Variants in ZSCAN1 observed in about 807,000 individuals in gnomAD.
ZSCAN1 encodes zinc finger and SCAN domain containing 1.
A neutral mutation model predicts 23.8 loss-of-function variants in ZSCAN1; 23 were observed. That is an observed-to-expected ratio of 0.97 (90% CI 0.70 to 1.37). The LOEUF (loss-of-function observed/expected upper bound fraction) is 1.37, where lower values mean the gene tolerates loss of function less well. Ranked by LOEUF, ZSCAN1 falls within the 40% of genes most tolerant of loss-of-function variation. The pLI, the probability that ZSCAN1 is intolerant of heterozygous loss-of-function variation, is 0.00. For missense variants in ZSCAN1, 575 were observed against 554.0 expected (o/e 1.04, Z -0.38); for synonymous variants, 236 against 232.3 (o/e 1.02, Z -0.15).
In ZSCAN1 at chr19:58,037,798, T is replaced by C; in HGVS notation, c.-39T>C. The C allele has an allele frequency of 6.9e-7, 1 of 1,438,878 alleles. No homozygotes were observed. Among genetic ancestry groups the C allele is most frequent in the Non-Finnish European group, 9.1e-7 (1 of 1,099,804 alleles). The allele number at this position is 1,438,878 out of a possible 1,614,324, so 89.1% of individuals were successfully genotyped here. ...GGAGCCACTGGGACTCGGGATCCAG[T>C]CCACACACACCCCTCAGAGGGGCAC... On this transcript the variant is annotated 5_prime_UTR_variant, in exon 3 of 6. Transcript: ENST00000282326.
At position 58,045,040 on chromosome 19, in the gene ZSCAN1, CG is replaced by C; in HGVS notation, c.465+4501del. 9.0e-7 allele frequency: 1 copy of C among 1,114,564 alleles called. No homozygotes were observed. The highest frequency in any genetic ancestry group is 1.4e-6 in the Non-Finnish European group (1 of 730,196). The allele number at this position is 1,114,564 out of a possible 1,614,324, so 69.0% of individuals were successfully genotyped here. On this transcript the variant is annotated intron_variant, in intron 4 of 5. Coordinates refer to ENST00000282326, the MANE Select transcript of ZSCAN1 (RefSeq NM_182572.4). This position sits in a 1 kb window ranked among gnomAD's most constrained non-coding sequence, Gnocchi z 4.3. ...CCCCGCAGAGATGGTGGTGAAGTCC[CG>C]GGGGCAGAGAGGGTGCTGGGCGAGC...
chr19:58,049,704 C>T lies in ZSCAN1; in HGVS notation c.466-2786C>T, dbSNP rs931585825. ...CCCTGAGATCCCATGGGCGTATCTC[C>T]CTGAGGCCCTGGCGGGAATGACTGT... On this transcript the variant is annotated intron_variant, in intron 4 of 5. Coordinates refer to ENST00000282326, the MANE Select transcript of ZSCAN1 (RefSeq NM_182572.4). This position sits in a 1 kb window ranked among gnomAD's most constrained non-coding sequence, Gnocchi z 4.5. 6.6e-6 allele frequency among the ~76,000 whole-genome samples: 1 copy of T among 152,196 alleles called. No individual in the cohort carries two copies. The highest frequency in any genetic ancestry group is 1.5e-5 in the Non-Finnish European group (1 of 68,040).
At chr19:58,051,462 GCTCC>G (rs959579444) in intron 4 of ZSCAN1, among the ~76,000 whole-genome samples, 30 of 151,546 alleles carry the variant, frequency 2.0e-4, no homozygotes, top group Admixed American at 2.6e-4. Context: ...CCTGCCATCA[GCTCC>G]CTCCCTCCCT....
chr19:58,041,551 T>A (rs753086031), intron 4 of ZSCAN1, among the ~76,000 whole-genome samples: 39 of 152,238 alleles, frequency 2.6e-4, no homozygotes, highest in Non-Finnish European at 5.3e-4. Context: ...TGTCTCCCAC[T>A]GGCTTAGTCC....
intron 3 of ZSCAN1, 122 bp downstream of exon 3, chr19:58,038,328 A>G (rs1404657960): frequency 7.9e-7 from 1 of 1,270,812 alleles, no homozygotes; most frequent in East Asian, 2.5e-5. Flanking sequence ...CGACCAGCAA[A>G]CCTCTCCTGC....
rs1332254107 is a variant in ZSCAN1, at chr19:58,045,987, C to T, written c.465+5443C>T. On this transcript the variant is annotated intron_variant, in intron 4 of 5. Coordinates refer to ENST00000282326, the MANE Select transcript of ZSCAN1 (RefSeq NM_182572.4). The surrounding 1 kb of genome is among the most constrained non-coding windows in gnomAD (Gnocchi z 4.3). ...AGGCCACACTGCAGGAGAAGGCGAC[C>T]ATGCAGTAGGAGCACCGCGAGAAGG... is the stretch of plus-strand genomic sequence containing the variant. 14 of 724,804 alleles carry T rather than the reference C, an allele frequency of 1.9e-5. No homozygotes were observed. Among genetic ancestry groups the T allele is most frequent in the Non-Finnish European group, 3.5e-5 (14 of 401,696 alleles). 44.9% of individuals were successfully genotyped at this position (724,804 alleles called of 1,614,324 possible). A position where few individuals can be genotyped will look rare whatever the true frequency, so the allele number is the denominator to read the frequency against.
At chr19:58,037,659 C>G in intron 2 of ZSCAN1, 69 bp from the exon 3 acceptor site, 1 of 755,996 alleles carries the variant, frequency 1.3e-6, no homozygotes, top group South Asian at 2.5e-5. Flanking sequence ...AAGTAAGGAG[C>G]CGAGGGGCAT....
In ZSCAN1 at chr19:58,040,009, C is replaced by T. The variant is rs907581293; in HGVS notation, c.371-441C>T. ...TCAGCCTCCCAAAGTGCTGGGATTA[C>T]TGGTGTGAGCCACCACGCCTGGCCT... is the stretch of plus-strand genomic sequence containing the variant. On this transcript the variant is annotated intron_variant, in intron 3 of 5. Coordinates refer to ENST00000282326, the MANE Select transcript of ZSCAN1 (RefSeq NM_182572.4). The surrounding 1 kb of genome is among the most constrained non-coding windows in gnomAD (Gnocchi z 5.8). Among the ~76,000 whole-genome samples the T allele has an allele frequency of 6.6e-6, 1 of 152,164 alleles. No individual in the cohort carries two copies. The highest frequency in any genetic ancestry group is 2.4e-5 in the African/African-American group (1 of 41,442).
At chr19:58,055,537 GCTT>G (rs937484252), downstream of ZSCAN1, among the ~76,000 whole-genome samples, 4 of 152,198 alleles carry the variant, frequency 2.6e-5, no homozygotes, top group Admixed American at 1.3e-4. Flanking sequence ...CAAAGGAGGA[GCTT>G]CTTCTACAGA....
chr19:58,055,680 G>A (rs901219205), downstream of ZSCAN1, among the ~76,000 whole-genome samples: 2 of 152,172 alleles, frequency 1.3e-5, no homozygotes, highest in Non-Finnish European at 2.9e-5. Context: ...TCTCCCGAGT[G>A]CCCCCACTTG....
At position 58,047,055 on chromosome 19, in the gene ZSCAN1, T is replaced by C. The variant is rs2073830995; in HGVS notation, c.466-5435T>C. On this transcript the variant is annotated intron_variant, in intron 4 of 5. Transcript: ENST00000282326. This position sits in a 1 kb window ranked among gnomAD's most constrained non-coding sequence, Gnocchi z 4.9. ...GCCAAGGCAGGAAGGTGCCCCCCTG[T>C]GTGTGGCCTCACGTCTCAGTGTCTG... Among the ~76,000 whole-genome samples the C allele has an allele frequency of 6.6e-6, 1 of 152,210 alleles. No individual in the cohort carries two copies. The highest frequency in any genetic ancestry group is 1.5e-5 in the Non-Finnish European group (1 of 68,024).
At chr19:58,046,630 A>C in intron 4 of ZSCAN1, 1 of 852,098 alleles carries the variant, frequency 1.2e-6, no homozygotes, top group South Asian at 1.3e-5. Context: ...CCACCTCATC[A>C]AGGTGATTGA....
rs770732034 is a variant in ZSCAN1, at chr19:58,053,508, G to A, written c.684G>A (p.Leu228=). The change falls in exon 6 of 6, where the codon CTG becomes CTA. Residue 228 remains leucine (L), a synonymous_variant. Transcript: ENST00000282326. This position sits in a 1 kb window ranked among gnomAD's most constrained non-coding sequence, Gnocchi z 5.8. ...EDLLAGPSSD[L]RAEGTVISSP... The stretch of plus-strand genomic sequence containing the variant: ...TTCTCGCAGGGCCCTCCTCAGACCT[G>A]CGGGCAGAAGGGACTGTGATCTCGA... 3.1e-6 allele frequency: 5 copies of A among 1,614,140 alleles called. No homozygotes were observed. The South Asian group carries it at 4.4e-5, about 14-fold the overall frequency.
rs1421287140 is a variant in ZSCAN1, at chr19:58,047,998, G to A, written c.466-4492G>A. Among the ~76,000 whole-genome samples the A allele has an allele frequency of 6.6e-6, 1 of 152,198 alleles. No homozygotes were observed. The highest frequency in any genetic ancestry group is 1.5e-5 in the Non-Finnish European group (1 of 68,034). On this transcript the variant is annotated intron_variant, in intron 4 of 5. Coordinates refer to ENST00000282326, the MANE Select transcript of ZSCAN1 (RefSeq NM_182572.4). This position sits in a 1 kb window ranked among gnomAD's most constrained non-coding sequence, Gnocchi z 4.9. ...TTCCTGGTAAAAATGTCCCTCCGGGGGCCTCCAAGCATAGGATTTGGAAGA... is the reference window on the plus strand; with the variant it reads ...TTCCTGGTAAAAATGTCCCTCCGGGAGCCTCCAAGCATAGGATTTGGAAGA...
In ZSCAN1 at chr19:58,054,108, G is replaced by A; in HGVS notation, c.*57G>A. 6 of 1,435,618 alleles carry A rather than the reference G, an allele frequency of 4.2e-6. No homozygotes were observed. Among genetic ancestry groups the A allele is most frequent in the Non-Finnish European group, 5.5e-6 (6 of 1,096,792 alleles). The allele number at this position is 1,435,618 out of a possible 1,614,324, so 88.9% of individuals were successfully genotyped here. A position where few individuals can be genotyped will look rare whatever the true frequency, so the allele number is the denominator to read the frequency against. ...CTGAGTCCCTGGGGGGAGCTGATGG[G>A]CCCCAGAAGATGGGGGACATCCCCC... On this transcript the variant is annotated 3_prime_UTR_variant, in exon 6 of 6. Coordinates refer to ENST00000282326, the MANE Select transcript of ZSCAN1 (RefSeq NM_182572.4). The surrounding 1 kb of genome is among the most constrained non-coding windows in gnomAD (Gnocchi z 4.2).
chr19:58,055,449 G>A (rs2123449733), downstream of ZSCAN1, among the ~76,000 whole-genome samples: 1 of 152,328 alleles, frequency 6.6e-6, no homozygotes. Flanking sequence ...AGTCCCCACT[G>A]GGGGCTCCTG....
In ZSCAN1 at chr19:58,045,683, A is replaced by G; in HGVS notation, c.465+5139A>G. ...GAAGGGGTGGACAGCCTGAACGTCAAGGAGCTGCAGGCGGCATGTCGGGCA... is the reference window on the plus strand; with the variant it reads ...GAAGGGGTGGACAGCCTGAACGTCAGGGAGCTGCAGGCGGCATGTCGGGCA... On this transcript the variant is annotated intron_variant, in intron 4 of 5. Transcript: ENST00000282326. The surrounding 1 kb of genome is among the most constrained non-coding windows in gnomAD (Gnocchi z 4.3). 4 of 925,086 alleles carry G rather than the reference A, an allele frequency of 4.3e-6. No homozygotes were observed. Among genetic ancestry groups the G allele is most frequent in the South Asian group, 3.9e-5 (3 of 76,350 alleles). 57.3% of individuals were successfully genotyped at this position (925,086 alleles called of 1,614,324 possible). A position where few individuals can be genotyped will look rare whatever the true frequency, so the allele number is the denominator to read the frequency against.
In ZSCAN1 at chr19:58,047,811, G is replaced by T. The variant is rs1176278306; in HGVS notation, c.466-4679G>T. Among the ~76,000 whole-genome samples the T allele has an allele frequency of 6.6e-6, 1 of 152,300 alleles. No homozygotes were observed. The highest frequency in any genetic ancestry group is 6.5e-5 in the Admixed American group (1 of 15,306). On this transcript the variant is annotated intron_variant, in intron 4 of 5. Coordinates refer to ENST00000282326, the MANE Select transcript of ZSCAN1 (RefSeq NM_182572.4). This position sits in a 1 kb window ranked among gnomAD's most constrained non-coding sequence, Gnocchi z 4.9. ...CCCTGGGGCTTCAAGGGCAACACCC[G>T]CAGTGCTTAGGGTTTACCCTGTGCC... is the stretch of plus-strand genomic sequence containing the variant.
chr19:58,054,101 C>T lies in ZSCAN1; in HGVS notation c.*50C>T, dbSNP rs373494184. On this transcript the variant is annotated 3_prime_UTR_variant, in exon 6 of 6. Coordinates refer to ENST00000282326, the MANE Select transcript of ZSCAN1 (RefSeq NM_182572.4). This position sits in a 1 kb window ranked among gnomAD's most constrained non-coding sequence, Gnocchi z 4.2. ...CCCGGCCCTGAGTCCCTGGGGGGAGCTGATGGGCCCCAGAAGATGGGGGAC... is the reference window on the plus strand; with the variant it reads ...CCCGGCCCTGAGTCCCTGGGGGGAGTTGATGGGCCCCAGAAGATGGGGGAC... 5.2e-5 allele frequency: 75 copies of T among 1,439,820 alleles called. No homozygotes were observed. Among genetic ancestry groups the T allele is most frequent in the Non-Finnish European group, 6.6e-5 (73 of 1,098,818 alleles). 89.2% of individuals were successfully genotyped at this position (1,439,820 alleles called of 1,614,324 possible).
Sources: gnomAD v4.1 joint callset for allele counts (sites outside exome capture counted in the v4.1 genomes callset) on GRCh38, gnomAD v4.1.1 for gene constraint, Gnocchi (gnomAD v3.1) non-coding constraint, MANE v1.5 for transcripts, NCBI Gene and HGNC (gene_info 2026-07-23, HGNC 2026-07-21) for gene names.